Variants in WDFY4 observed in about 807,000 individuals in gnomAD.
WDFY4 encodes WD repeat- and FYVE domain-containing protein 4.
A neutral mutation model predicts 351.9 loss-of-function variants in WDFY4; 169 were observed. The ratio of observed to expected loss-of-function variants is 0.48; its 90% CI spans 0.42 to 0.55. The LOEUF (loss-of-function observed/expected upper bound fraction) is 0.55. WDFY4 is among the 20% of genes least tolerant of loss of function. The probability of loss-of-function intolerance (pLI) is 0.00; values close to 1 mark genes in which losing one functional copy is unlikely to be tolerated. For missense variants in WDFY4, 3,803 were observed against 3,935.6 expected (o/e 0.97, Z 0.90); for synonymous variants, 1,622 against 1,574.6 (o/e 1.03, Z -0.71).
intron 31 of WDFY4, among the ~76,000 whole-genome samples, chr10:48,814,322 TG>T (rs1375977703): frequency 6.6e-6 from 1 of 152,208 alleles, no homozygotes; most frequent in African/African-American, 2.4e-5. Flanking sequence ...TGTTTAAGCA[TG>T]GGATTTCTTC....
chr10:48,790,725 A>G lies in WDFY4; in HGVS notation c.4067-2A>G. ...ATGAAATGCCCACTTTATGCCACAC[A>G]GGGGTGAGGGTATTCCACTCCAGCC... On this transcript the variant is annotated splice_acceptor_variant, in intron 22 of 61. Coordinates refer to ENST00000325239, the MANE Select transcript of WDFY4 (RefSeq NM_001394531.1). LOFTEE classifies it high-confidence loss of function. The G allele has an allele frequency of 6.4e-7, 1 of 1,551,450 alleles. No individual in the cohort carries two copies. Among genetic ancestry groups the G allele is most frequent in the Non-Finnish European group, 8.7e-7 (1 of 1,146,814 alleles).
chr10:48,786,422 A>T (rs2066406702), intron 19 of WDFY4, among the ~76,000 whole-genome samples: 1 of 152,202 alleles, frequency 6.6e-6, no homozygotes, highest in South Asian at 2.1e-4. Flanking sequence ...TTTTTATCAA[A>T]TTTATTTTCA....
At chr10:48,814,908 T>C (rs970900352) in intron 31 of WDFY4, among the ~76,000 whole-genome samples, 4 of 152,172 alleles carry the variant, frequency 2.6e-5, no homozygotes, top group African/African-American at 9.7e-5. Context: ...CCCTTTTGCC[T>C]TTTTTTCCTC....
chr10:48,821,060 A>G lies in WDFY4; in HGVS notation c.5710-2A>G. 4.5e-6 allele frequency: 7 copies of G among 1,550,832 alleles called. No homozygotes were observed. Among genetic ancestry groups the G allele is most frequent in the Non-Finnish European group, 6.1e-6 (7 of 1,146,234 alleles). ...TGTCTCAGTCCCGGGCTGTGCTTCC[A>G]GGCTTCTCCAGACCACGCCACCAGC... On this transcript the variant is annotated splice_acceptor_variant, in intron 33 of 61. Transcript: ENST00000325239. LOFTEE classifies it high-confidence loss of function.
intron 38 of WDFY4, 97 bp downstream of exon 38, chr10:48,830,982 T>G (rs2068170970): frequency 1.6e-6 from 2 of 1,216,154 alleles, no homozygotes; most frequent in African/African-American, 1.5e-5. Context: ...CTTTTCCACC[T>G]GGACCCTCTG....
At chr10:48,845,205 A>G (rs190490541) in intron 39 of WDFY4, among the ~76,000 whole-genome samples, 1 of 152,114 alleles carries the variant, frequency 6.6e-6, no homozygotes, top group East Asian at 1.9e-4. Context: ...TTCTTCAGGG[A>G]ATTGGGAAAG....
In WDFY4 at chr10:48,828,832, A is replaced by C. The variant is rs1229683089; in HGVS notation, c.6276A>C (p.Gln2092His). The change falls in exon 37 of 62, where the codon CAA becomes CAC. Residue 2092 changes from glutamine (Q) to histidine (H), a missense_variant. Around this residue, in one of 3 missense-constraint regions of WDFY4, gnomAD observed 3,054 missense variants for 3,148.6 expected, o/e 0.97. Transcript: ENST00000325239. Reference protein sequence around the residue: ...EPKPRMSTYHQVFLSPNEDVK... With the variant: ...EPKPRMSTYHHVFLSPNEDVK... ...AGCCTAGAATGTCTACTTATCATCA[A>C]GTCTTCCTTTCCCCAAATGAAGACG... The C allele has an allele frequency of 6.5e-7, 1 of 1,547,278 alleles. No individual in the cohort carries two copies. The highest frequency in any genetic ancestry group is 1.2e-5 in the South Asian group (1 of 83,732).
At chr10:48,910,850 G>A in intron 47 of WDFY4, 1 of 936,912 alleles carries the variant, frequency 1.1e-6, no homozygotes, top group Non-Finnish European at 1.3e-6. Flanking sequence ...AGCGGGGAAG[G>A]GAGGACGTGG....
intron 2 of WDFY4, among the ~76,000 whole-genome samples, chr10:48,717,584 G>A (rs1205596658): frequency 6.6e-6 from 1 of 152,166 alleles, no homozygotes; most frequent in Non-Finnish European, 1.5e-5. Flanking sequence ...CTGGGTGGAT[G>A]TTCACTTCTA....
intron 2 of WDFY4, among the ~76,000 whole-genome samples, chr10:48,715,125 C>A (rs1002502105): frequency 3.6e-4 from 55 of 152,378 alleles, no homozygotes; most frequent in African/African-American, 1.3e-3. Flanking sequence ...CTTGAGGCTG[C>A]ACTTGCTGCT....
At chr10:48,950,348 C>G (rs532483511) in intron 51 of WDFY4, among the ~76,000 whole-genome samples, 1 of 152,362 alleles carries the variant, frequency 6.6e-6, no homozygotes, top group South Asian at 2.1e-4. Context: ...CCTCAAGGTT[C>G]ATCCATTGTT....
chr10:48,885,714 TTCTCTC>T (rs71482870), intron 43 of WDFY4, among the ~76,000 whole-genome samples: 17 of 150,306 alleles, frequency 1.1e-4, no homozygotes, highest in Non-Finnish European at 1.9e-4. Context: ...TAAGGAGATG[TTCTCTC>T]TCTCTCTCTC....
chr10:48,907,007 G>A (rs887381089), intron 47 of WDFY4, among the ~76,000 whole-genome samples: 1 of 151,926 alleles, frequency 6.6e-6, no homozygotes, highest in Admixed American at 6.6e-5. Context: ...CTTCTCTAAA[G>A]GATTGTGGGT....
At chr10:48,903,057 C>T (rs1296652654) in intron 47 of WDFY4, among the ~76,000 whole-genome samples, 2 of 152,086 alleles carry the variant, frequency 1.3e-5, no homozygotes. Flanking sequence ...TTGCAGTGAG[C>T]TGAGATCGCG....
Position 48,743,341 on chromosome 10 carries a change from C to T in WDFY4, c.2252C>T (p.Ser751Phe), listed in dbSNP as rs1432052265. The part of the protein sequence containing the change: ...PFADLLGTAF[S>F]SSGSLPPRIQ... The stretch of plus-strand genomic sequence containing the variant: ...GCAGATTTGCTGGGCACTGCCTTTT[C>T]CTCCAGCGGCTCACTCCCACCCCGG... Residue 751 changes from serine (S) to phenylalanine (F), a missense_variant, in exon 12 of 62, where the codon TCC (serine) becomes TTC (phenylalanine). Transcript: ENST00000325239. 2.6e-6 allele frequency: 4 copies of T among 1,551,530 alleles called. No individual in the cohort carries two copies. The highest frequency in any genetic ancestry group is 3.9e-5 in the Admixed American group (2 of 50,984).
At position 48,924,735 on chromosome 10, in the gene WDFY4, T is replaced by C. The variant is rs140576855; in HGVS notation, c.7587-17071T>C. Among the ~76,000 whole-genome samples the C allele has an allele frequency of 7.2e-5, 11 of 152,336 alleles. No individual in the cohort carries two copies. In the East Asian group the frequency reaches 1.7e-3, roughly 24 times the overall value. ...AGCATGGTGGGATACCCCATGGATATCTAAATTAAAAAAGTAATGGCAACC... is the reference window on the plus strand; with the variant it reads ...AGCATGGTGGGATACCCCATGGATACCTAAATTAAAAAAGTAATGGCAACC... On this transcript the variant is annotated intron_variant, in intron 47 of 61. Transcript: ENST00000325239.
At chr10:48,922,995 C>T (rs989445969) in intron 47 of WDFY4, among the ~76,000 whole-genome samples, 1 of 152,128 alleles carries the variant, frequency 6.6e-6, no homozygotes, top group African/African-American at 2.4e-5. Flanking sequence ...TCTGTTGAAG[C>T]TTAGAGAACT....
intron 49 of WDFY4, among the ~76,000 whole-genome samples, chr10:48,945,718 G>A (rs1234905808): frequency 2.6e-5 from 4 of 152,220 alleles, no homozygotes; most frequent in Non-Finnish European, 1.5e-5. Context: ...CAGTTTAGGA[G>A]CCAAGTGCCT....
chr10:48,890,585 CAGA>C lies in WDFY4; in HGVS notation c.7177_7179del (p.Lys2393del). On this transcript the variant is annotated inframe_deletion, in exon 44 of 62. Coordinates refer to ENST00000325239, the MANE Select transcript of WDFY4 (RefSeq NM_001394531.1). The stretch of plus-strand genomic sequence containing the variant: ...TGCCACTCTCTCCTTCCAGGTGACG[CAGA>C]AGTTCTCCCTGGTGATTGTGCAGGG... 2 of 1,551,722 alleles carry C rather than the reference CAGA, an allele frequency of 1.3e-6. No homozygotes were observed. The highest frequency in any genetic ancestry group is 1.7e-6 in the Non-Finnish European group (2 of 1,146,994).
Sources: gnomAD v4.1 joint callset for allele counts (sites outside exome capture counted in the v4.1 genomes callset) on GRCh38, gnomAD v4.1.1 for gene constraint, gnomAD v4.1.1 regional missense constraint, MANE v1.5 for transcripts, NCBI Gene and HGNC (gene_info 2026-07-23, HGNC 2026-07-21) for gene names.